PCDH1: variants seen among roughly 807,000 people sequenced by gnomAD.
PCDH1 encodes the protein protocadherin-1.
A neutral mutation model predicts 74.6 loss-of-function variants in PCDH1; 23 were observed. That is an observed-to-expected ratio of 0.31 (90% CI 0.22 to 0.44). PCDH1 has a LOEUF of 0.44. Among genes scored for constraint, PCDH1 ranks in the 20% least tolerant of loss-of-function variants. The probability of loss-of-function intolerance (pLI) is 1.00; values close to 1 mark genes in which losing one functional copy is unlikely to be tolerated. For missense variants in PCDH1, 1,214 were observed against 1,641.4 expected, an observed-to-expected ratio of 0.74 and a Z score of 4.50; for synonymous variants, 647 against 686.1, an observed-to-expected ratio of 0.94 and a Z score of 0.89.
chr5:141,863,942 G>C lies in PCDH1; in HGVS notation c.2389C>G (p.Arg797Gly). Residue 797 changes from arginine (R) to glycine (G), a missense_variant, in exon 3 of 5, where the codon CGC becomes GGC. Around this residue, in one of 4 missense-constraint regions of PCDH1, gnomAD observed 836 missense variants for 1,182.2 expected, o/e 0.71. Transcript: ENST00000287008. This position sits in a 1 kb window ranked among gnomAD's most constrained non-coding sequence, Gnocchi z 7.5. ...GTGCCATAGCGTGGGGGCTTGCCGCGGTCACTGACCTTCACCACCAGGCGG... is the reference window on the plus strand; with the variant it reads ...GTGCCATAGCGTGGGGGCTTGCCGCCGTCACTGACCTTCACCACCAGGCGG... Reference protein sequence around the residue: ...LHRLVVKVSDRGKPPRYGTAL... With the variant: ...LHRLVVKVSDGGKPPRYGTAL... The C allele has an allele frequency of 3.7e-6, 6 of 1,614,092 alleles. No individual in the cohort carries two copies. The highest frequency in any genetic ancestry group is 5.1e-6 in the Non-Finnish European group (6 of 1,180,022).
chr5:141,876,045 A>G (rs1310915642), intron 1 of PCDH1, among the ~76,000 whole-genome samples: 1 of 152,100 alleles, frequency 6.6e-6, no homozygotes, highest in Non-Finnish European at 1.5e-5. Flanking sequence ...CCCAGTCCGC[A>G]CCGCCTTGGT....
Position 141,854,346 on chromosome 5 carries a change from C to T in PCDH1, c.3410G>A (p.Gly1137Asp). ...GGTCCGGCGGCTGGGAGATGACTGGCCAGGCATCCAGCATGTGTCAGAGTG... is the reference window on the plus strand; with the variant it reads ...GGTCCGGCGGCTGGGAGATGACTGGTCAGGCATCCAGCATGTGTCAGAGTG... ...FGHSDTCWMP[G>D]QSSPSRRTKS... The change falls in exon 5 of 5, where the codon GGC becomes GAC. Residue 1137 changes from glycine (G) to aspartate (D), a missense_variant. This residue lies in a region of PCDH1 where 194 missense variants were observed against 198.3 expected (regional missense o/e 0.98). Coordinates refer to ENST00000287008, the MANE Select transcript of PCDH1 (RefSeq NM_032420.5). 3 of 1,613,670 alleles carry T rather than the reference C, an allele frequency of 1.9e-6. No homozygotes were observed. Among genetic ancestry groups the T allele is most frequent in the Non-Finnish European group, 2.5e-6 (3 of 1,179,972 alleles).
At chr5:141,862,216 C>T (rs1305647832) in intron 3 of PCDH1, among the ~76,000 whole-genome samples, 4 of 152,230 alleles carry the variant, frequency 2.6e-5, no homozygotes, top group Middle Eastern at 6.8e-3. Context: ...AGGTTCTCTG[C>T]CTTCACCTAA....
Position 141,864,301 on chromosome 5 carries a change from T to G in PCDH1, c.2030A>C (p.Gln677Pro). 1 of 1,614,062 alleles carries G rather than the reference T, an allele frequency of 6.2e-7. No homozygotes were observed. Among genetic ancestry groups the G allele is most frequent in the Non-Finnish European group, 8.5e-7 (1 of 1,179,928 alleles). ...CAGCTGGAAGGTGTAGGTGCTTTGT[T>G]GCTCTCGATCAAAGCTCAGGCTGGA... ...ILSSLSFDREQQSTYTFQLKA... is the reference protein window; with the variant it reads ...ILSSLSFDREPQSTYTFQLKA... The change falls in exon 3 of 5, where the codon CAA becomes CCA. Residue 677 changes from glutamine to proline, a missense_variant. Transcript: ENST00000287008. This position sits in a 1 kb window ranked among gnomAD's most constrained non-coding sequence, Gnocchi z 5.9.
intron 2 of PCDH1, among the ~76,000 whole-genome samples, chr5:141,866,831 A>G (rs1385285345): frequency 6.6e-6 from 1 of 152,186 alleles, no homozygotes; most frequent in Non-Finnish European, 1.5e-5. Flanking sequence ...CTGTCCAACC[A>G]TCTACCCTCC....
chr5:141,860,118 C>T (rs1752507861), intron 3 of PCDH1, among the ~76,000 whole-genome samples: 1 of 152,162 alleles, frequency 6.6e-6, no homozygotes, highest in Non-Finnish European at 1.5e-5. Context: ...TTTCTCCTTC[C>T]AGAAGCCCAT....
In PCDH1 at chr5:141,863,973, C is replaced by T; in HGVS notation, c.2358G>A (p.Gly786=). The change falls in exon 3 of 5, where the codon GGG becomes GGA. Residue 786 remains glycine, a synonymous_variant. Transcript: ENST00000287008. This position sits in a 1 kb window ranked among gnomAD's most constrained non-coding sequence, Gnocchi z 7.5. ...TGACCTTCACCACCAGGCGGTGTAG[C>T]CCATGGTGGCGCCGCTCAATCTCCT... The part of the protein sequence containing the change: ...LEKEIERRHH[G]LHRLVVKVSD... 6.2e-7 allele frequency: 1 copy of T among 1,613,710 alleles called. No individual in the cohort carries two copies.
Position 141,863,174 on chromosome 5 carries a change from C to T in PCDH1, c.3099+58G>A. ...CACTCCCACACCTCGGTCCAGATGGCTCCGTGGTAGGGGTGGGGTAGGGGC... is the reference window on the plus strand; with the variant it reads ...CACTCCCACACCTCGGTCCAGATGGTTCCGTGGTAGGGGTGGGGTAGGGGC... On this transcript the variant is annotated intron_variant, in intron 3 of 4. Transcript: ENST00000287008. This position sits in a 1 kb window ranked among gnomAD's most constrained non-coding sequence, Gnocchi z 7.5. 1 of 1,511,170 alleles carries T rather than the reference C, an allele frequency of 6.6e-7. No homozygotes were observed. Among genetic ancestry groups the T allele is most frequent in the Non-Finnish European group, 8.9e-7 (1 of 1,128,310 alleles). 93.6% of individuals were successfully genotyped at this position (1,511,170 alleles called of 1,614,324 possible). A position where few individuals can be genotyped will look rare whatever the true frequency, so the allele number is the denominator to read the frequency against.
rs779619811 is a variant in PCDH1 at position 141,868,943 on chromosome 5, T to C, written c.529A>G (p.Ile177Val). 6.2e-7 allele frequency: 1 copy of C among 1,614,214 alleles called. No homozygotes were observed. Among genetic ancestry groups the C allele is most frequent in the East Asian group, 2.2e-5 (1 of 44,866 alleles). Residue 177 changes from isoleucine (I) to valine (V), a missense_variant, in exon 2 of 5, where the codon ATC becomes GTC. By Grantham distance (29) the Ile-to-Val change is conservative (BLOSUM62 3). Coordinates refer to ENST00000287008, the MANE Select transcript of PCDH1 (RefSeq NM_032420.5). The surrounding 1 kb of genome is among the most constrained non-coding windows in gnomAD (Gnocchi z 4.8). ...NFASPVITLA[I>V]PENTNIGSLF... ...GAGCCGATGTTGGTGTTCTCAGGGATGGCCAGAGTGATGACTGGTGAGGCG... is the reference window on the plus strand; with the variant it reads ...GAGCCGATGTTGGTGTTCTCAGGGACGGCCAGAGTGATGACTGGTGAGGCG...
Position 141,878,182 on chromosome 5 carries a change from G to A in PCDH1, c.40+41C>T. 2 of 1,428,178 alleles carry A rather than the reference G, an allele frequency of 1.4e-6. No individual in the cohort carries two copies. The highest frequency in any genetic ancestry group is 1.4e-5 in the South Asian group (1 of 73,314). 88.5% of individuals were successfully genotyped at this position (1,428,178 alleles called of 1,614,324 possible). A position where few individuals can be genotyped will look rare whatever the true frequency, so the allele number is the denominator to read the frequency against. ...CTCCCGCCGGCCATGACCGCTTCGG[G>A]CCCCAAGCCGCTGCTGCCTCCACCG... On this transcript the variant is annotated intron_variant, in intron 1 of 4. Transcript: ENST00000287008. This position sits in a 1 kb window ranked among gnomAD's most constrained non-coding sequence, Gnocchi z 5.5.
chr5:141,856,917 G>A (rs1042048865), intron 4 of PCDH1, among the ~76,000 whole-genome samples: 5 of 152,146 alleles, frequency 3.3e-5, no homozygotes, highest in Admixed American at 2.6e-4. Flanking sequence ...CCAGGTGGCC[G>A]TGTAAACATG....
At chr5:141,873,065 G>A (rs377541647) in intron 1 of PCDH1, among the ~76,000 whole-genome samples, 2 of 152,092 alleles carry the variant, frequency 1.3e-5, no homozygotes, top group Non-Finnish European at 2.9e-5. Flanking sequence ...TGCAATGGTC[G>A]GACCATCTGG....
intron 3 of PCDH1, among the ~76,000 whole-genome samples, chr5:141,859,987 T>C (rs539068699): frequency 1.1e-4 from 17 of 152,270 alleles, no homozygotes; most frequent in African/African-American, 3.9e-4. Flanking sequence ...TATTCCTTTT[T>C]CTGCCCTTTC....
intron 1 of PCDH1, among the ~76,000 whole-genome samples, chr5:141,876,935 T>TG (rs1753254539): frequency 6.6e-6 from 1 of 152,234 alleles, no homozygotes; most frequent in Non-Finnish European, 1.5e-5. Flanking sequence ...CGGGATGGCT[T>TG]GGCCAGCCAG....
chr5:141,874,037 G>C (rs1753160477), intron 1 of PCDH1, among the ~76,000 whole-genome samples: 1 of 152,172 alleles, frequency 6.6e-6, no homozygotes, highest in Admixed American at 6.5e-5. Flanking sequence ...AGAGTCTGGG[G>C]GAAAGAAACA....
chr5:141,870,663 C>T (rs943761425), intron 1 of PCDH1, among the ~76,000 whole-genome samples: 10 of 152,142 alleles, frequency 6.6e-5, no homozygotes, highest in African/African-American at 2.4e-4. Context: ...ACAAGCTGTA[C>T]CCCATCACAA....
rs759171403 is a variant in PCDH1, at chr5:141,854,016, G to C, written c.*26C>G. The C allele has an allele frequency of 6.8e-7, 1 of 1,467,572 alleles. No individual in the cohort carries two copies. Among genetic ancestry groups the C allele is most frequent in the African/African-American group, 1.4e-5 (1 of 70,806 alleles). The allele number at this position is 1,467,572 out of a possible 1,614,324, so 90.9% of individuals were successfully genotyped here. A position where few individuals can be genotyped will look rare whatever the true frequency, so the allele number is the denominator to read the frequency against. On this transcript the variant is annotated 3_prime_UTR_variant, in exon 5 of 5. Coordinates refer to ENST00000287008, the MANE Select transcript of PCDH1 (RefSeq NM_032420.5). The stretch of plus-strand genomic sequence containing the variant: ...TGGGAGCTGGCCGGCGGCTGGGGGA[G>C]GGGGGCCGGCCGGCCAGTAGGGGGC...
chr5:141,866,887 C>T (rs892395948), intron 2 of PCDH1, among the ~76,000 whole-genome samples: 2 of 152,200 alleles, frequency 1.3e-5, no homozygotes, highest in Non-Finnish European at 2.9e-5. Context: ...GTAGTGGGCA[C>T]TGCACCTAGT....
At position 141,868,700 on chromosome 5, in the gene PCDH1, G is replaced by T; in HGVS notation, c.772C>A (p.Pro258Thr). 1.2e-6 allele frequency: 2 copies of T among 1,613,930 alleles called. No individual in the cohort carries two copies. Among genetic ancestry groups the T allele is most frequent in the Non-Finnish European group, 1.7e-6 (2 of 1,179,878 alleles). Residue 258 changes from proline to threonine, a missense_variant, in exon 2 of 5, where the codon CCC becomes ACC. By Grantham distance (38) the Pro-to-Thr change is conservative. Around this residue, in one of 4 missense-constraint regions of PCDH1, gnomAD observed 836 missense variants for 1,182.2 expected, o/e 0.71. Coordinates refer to ENST00000287008, the MANE Select transcript of PCDH1 (RefSeq NM_032420.5). This position sits in a 1 kb window ranked among gnomAD's most constrained non-coding sequence, Gnocchi z 4.8. The part of the protein sequence containing the change: ...LTIKVQDGGS[P>T]PRASSALLRV... The stretch of plus-strand genomic sequence containing the variant: ...AGCAGGGCACTGCTGGCGCGTGGGG[G>T]GCTGCCGCCATCCTGCACCTTGATG...
Sources: allele counts gnomAD v4.1 joint callset (sites outside exome capture counted in the v4.1 genomes callset), GRCh38; gene constraint gnomAD v4.1.1; regional missense constraint gnomAD v4.1.1; non-coding constraint Gnocchi (gnomAD v3.1); transcripts MANE v1.5; gene names NCBI Gene and HGNC (gene_info 2026-07-23, HGNC 2026-07-21).